NRBP1: variants seen among roughly 807,000 people sequenced by gnomAD.
NRBP1 encodes the protein nuclear receptor binding protein 1.
NRBP1 carries 10 observed loss-of-function variants against 76.0 expected under a neutral mutation model. That is an observed-to-expected ratio of 0.13 (90% CI 0.08 to 0.22). NRBP1 has a LOEUF of 0.22. Ranked by LOEUF, NRBP1 falls within the 10% of genes least tolerant of loss-of-function variation. NRBP1 has a pLI of 1.00. For missense variants in NRBP1, 344 were observed against 646.0 expected, an observed-to-expected ratio of 0.53 and a Z score of 5.07; for synonymous variants, 235 against 240.2, an observed-to-expected ratio of 0.98 and a Z score of 0.20.
chr2:27,430,163 G>C (rs1042537930), intron 1 of NRBP1, among the ~76,000 whole-genome samples: 1 of 152,118 alleles, frequency 6.6e-6, no homozygotes, highest in African/African-American at 2.4e-5. Flanking sequence ...CAGCGCGCCT[G>C]GCAAATCTCT....
At chr2:27,435,999 C>T (rs183661128) in intron 7 of NRBP1, 2 of 586,260 alleles carry the variant, frequency 3.4e-6, no homozygotes, top group South Asian at 2.0e-5. Flanking sequence ...AGGCTAGTTC[C>T]CAGATCATAC....
chr2:27,433,278 C>G lies in NRBP1; in HGVS notation c.5C>G (p.Ser2Trp), dbSNP rs919186043. ...GGCCTGAGTGTTCCTTCCAGCATGT[C>G]GGAGGGGGAGTCCCAGACAGTACTT... is the stretch of plus-strand genomic sequence containing the variant. Reference protein sequence around the residue: MSEGESQTVLSS... With the variant: MWEGESQTVLSS... The change falls in exon 2 of 18, where the codon TCG becomes TGG. Residue 2 changes from serine to tryptophan, a missense_variant. Ser to Trp is a radical substitution (Grantham distance 177). This residue lies in a region of NRBP1 where 53 missense variants were observed against 48.4 expected (regional missense o/e 1.09). Transcript: ENST00000379852. 6.2e-7 allele frequency: 1 copy of G among 1,613,438 alleles called. No homozygotes were observed. The highest frequency in any genetic ancestry group is 1.3e-5 in the African/African-American group (1 of 75,032).
At chr2:27,431,198 G>T (rs1348162871) in intron 1 of NRBP1, among the ~76,000 whole-genome samples, 1 of 152,194 alleles carries the variant, frequency 6.6e-6, no homozygotes, top group African/African-American at 2.4e-5. Context: ...TACTCGGGAG[G>T]CTGAGGCAGG....
At chr2:27,434,872 A>T (rs909017261) in intron 6 of NRBP1, 110 bp downstream of exon 6, 2 of 1,161,906 alleles carry the variant, frequency 1.7e-6, no homozygotes, top group Non-Finnish European at 1.3e-6. Context: ...ACTTTCTTTG[A>T]ATCATATACT....
intron 7 of NRBP1, chr2:27,435,767 A>T (rs1393711831): frequency 2.8e-6 from 2 of 717,484 alleles, no homozygotes; most frequent in Non-Finnish European, 2.6e-6. Context: ...CCTCTGCCCC[A>T]CTTGGGGCTC....
rs956493083 is a variant in NRBP1, at chr2:27,428,718, C to T, written c.-34C>T. ...TGGAGCTGAAGCGCAGGCTGCGGGG[C>T]GCGGAGTCGGGAGGTGAGCGCCCAG... is the stretch of plus-strand genomic sequence containing the variant. On this transcript the variant is annotated 5_prime_UTR_variant, in exon 1 of 18. Transcript: ENST00000379852. 2.5e-6 allele frequency: 1 copy of T among 398,014 alleles called. No homozygotes were observed. The highest frequency in any genetic ancestry group is 4.4e-6 in the Non-Finnish European group (1 of 225,740). The allele number at this position is 398,014 out of a possible 1,614,324, so 24.7% of individuals were successfully genotyped here.
At chr2:27,440,307 C>T (rs1664485487) in intron 11 of NRBP1, 96 bp from the exon 12 acceptor site, 1 of 851,482 alleles carries the variant, frequency 1.2e-6, no homozygotes, top group African/African-American at 1.7e-5. Flanking sequence ...CTGTGCCAGG[C>T]CTCCAAAGGG....
At chr2:27,429,679 C>T (rs1375034617) in intron 1 of NRBP1, among the ~76,000 whole-genome samples, 1 of 151,948 alleles carries the variant, frequency 6.6e-6, no homozygotes, top group Non-Finnish European at 1.5e-5. Context: ...CCTCATTTTG[C>T]CTGCGAAGGA....
intron 10 of NRBP1, among the ~76,000 whole-genome samples, chr2:27,437,691 G>A (rs1200271296): frequency 6.6e-6 from 1 of 151,980 alleles, no homozygotes; most frequent in Non-Finnish European, 1.5e-5. Flanking sequence ...CTAACATGGT[G>A]AAACCCTGTC....
intron 1 of NRBP1, among the ~76,000 whole-genome samples, chr2:27,428,984 G>T (rs901117616): frequency 6.6e-6 from 1 of 151,718 alleles, no homozygotes; most frequent in Non-Finnish European, 1.5e-5. Context: ...GGCGCGGGTC[G>T]GGAGGCCCTG....
At position 27,441,793 on chromosome 2, in the gene NRBP1, C is replaced by CT; in HGVS notation, c.1590dup (p.Val531CysfsTer14). 1.9e-6 allele frequency: 3 copies of CT among 1,612,190 alleles called. No homozygotes were observed. Among genetic ancestry groups the CT allele is most frequent in the Non-Finnish European group, 2.5e-6 (3 of 1,178,280 alleles). Reference sequence around the variant, plus strand: ...AGGAACAGTACCCTCAACTCAGCCGCTGTCACCGTCTCCTCTTAGAGCTCA... The same window carrying CT: ...AGGAACAGTACCCTCAACTCAGCCGCTTGTCACCGTCTCCTCTTAGAGCTCA... On this transcript the variant is annotated frameshift_variant, in exon 18 of 18. Transcript: ENST00000379852. LOFTEE classifies it high-confidence loss of function.
chr2:27,433,792 G>A lies in NRBP1; in HGVS notation c.330G>A (p.Gln110=), dbSNP rs746752240. ...QFSERKNYKL[Q]EEKVRAVFDN... is the part of the protein sequence containing the mutation. Reference sequence around the variant, plus strand: ...CTGAACGCAAGAACTACAAGCTGCAGGAGGTAGGTGATGCTGAAAAGGTGA... The same window carrying A: ...CTGAACGCAAGAACTACAAGCTGCAAGAGGTAGGTGATGCTGAAAAGGTGA... The change falls in exon 3 of 18, where the codon CAG becomes CAA. Residue 110 remains glutamine (Q), a synonymous_variant. Transcript: ENST00000379852. 5 of 1,614,204 alleles carry A rather than the reference G, an allele frequency of 3.1e-6. No individual in the cohort carries two copies. Among genetic ancestry groups the A allele is most frequent in the South Asian group, 1.1e-5 (1 of 91,084 alleles).
Position 27,433,661 on chromosome 2 carries a change from A to G in NRBP1, c.211-12A>G, listed in dbSNP as rs762688482. 3.1e-6 allele frequency: 5 copies of G among 1,613,986 alleles called. No individual in the cohort carries two copies. The highest frequency in any genetic ancestry group is 3.3e-5 in the Admixed American group (2 of 59,984). ...ATAAGTTTAATTCTCTTTCATATGA[A>G]TTTCTTCTCAGGTGAATCAACGGAA... On this transcript the variant is annotated splice_polypyrimidine_tract_variant and intron_variant, in intron 2 of 17. Transcript: ENST00000379852.
intron 11 of NRBP1, 56 bp from the exon 12 acceptor site, chr2:27,440,347 T>G: frequency 8.1e-7 from 1 of 1,237,034 alleles, no homozygotes; most frequent in Non-Finnish European, 1.2e-6. Context: ...GCATGCCTTC[T>G]TTGACATTTA....
Position 27,441,341 on chromosome 2 carries a change from C to T in NRBP1, c.1447+11C>T, listed in dbSNP as rs1327275830. On this transcript the variant is annotated intron_variant, in intron 16 of 17. Coordinates refer to ENST00000379852, the MANE Select transcript of NRBP1 (RefSeq NM_013392.4). The stretch of plus-strand genomic sequence containing the variant: ...GTGACCTGATGCCAAGTGAGTCTCT[C>T]CTTTCCCTCAGAGGATGGAGAGTCT... The T allele has an allele frequency of 2.5e-6, 4 of 1,613,398 alleles. No individual in the cohort carries two copies. Among genetic ancestry groups the T allele is most frequent in the Non-Finnish European group, 2.5e-6 (3 of 1,179,352 alleles).
rs1167836397 is a variant in NRBP1, at chr2:27,441,625, G to A, written c.1503+3G>A. 6 of 1,613,958 alleles carry A rather than the reference G, an allele frequency of 3.7e-6. No individual in the cohort carries two copies. The African/African-American group carries it at 5.3e-5, about 14-fold the overall frequency. ...TGCAGCTGGGCTTCATTAGTGAGGT[G>A]AGGTTTCTGCCTTCATCTGCCCTGG... On this transcript the variant is annotated splice_donor_region_variant and intron_variant, in intron 17 of 17. Transcript: ENST00000379852.
rs1664251760 is a variant in NRBP1, at chr2:27,435,069, A to C, written c.567-64A>C. The stretch of plus-strand genomic sequence containing the variant: ...GGAGACCTGGCCCTTGCTCCTCTTA[A>C]CCCTTGGGTTCCCCCTGCCCTTAAT... On this transcript the variant is annotated intron_variant, in intron 6 of 17. Coordinates refer to ENST00000379852, the MANE Select transcript of NRBP1 (RefSeq NM_013392.4). The C allele has an allele frequency of 2.1e-5, 20 of 955,354 alleles. No homozygotes were observed. The Admixed American group carries it at 3.5e-4, about 17-fold the overall frequency. 59.2% of individuals were successfully genotyped at this position (955,354 alleles called of 1,614,324 possible).
chr2:27,432,130 T>C (rs1664138058), intron 1 of NRBP1: 1 of 152,288 alleles, frequency 6.6e-6, no homozygotes, highest in Non-Finnish European at 1.5e-5. Context: ...ATTAAAGGCG[T>C]GAGCCACTGT....
intron 16 of NRBP1, 85 bp from the exon 17 acceptor site, chr2:27,441,482 A>AC: frequency 6.7e-7 from 1 of 1,500,998 alleles, no homozygotes; most frequent in Non-Finnish European, 9.3e-7. Flanking sequence ...GATCTGACTG[A>AC]CAGTTTAGCC....
Sources: gnomAD v4.1 joint callset for allele counts (sites outside exome capture counted in the v4.1 genomes callset) on GRCh38, gnomAD v4.1.1 for gene constraint, gnomAD v4.1.1 regional missense constraint, MANE v1.5 for transcripts, NCBI Gene and HGNC (gene_info 2026-07-23, HGNC 2026-07-21) for gene names.